CENPP: variants seen among roughly 807,000 people sequenced by gnomAD.
CENPP encodes the protein centromere protein P.
In CENPP, 24 loss-of-function variants were observed where a neutral mutation model predicts 35.6. The ratio of observed to expected loss-of-function variants is 0.67; its 90% confidence interval spans 0.49 to 0.95. The LOEUF (loss-of-function observed/expected upper bound fraction) is 0.95. CENPP is among the 40% of genes least tolerant of loss of function. The pLI, the probability that CENPP is intolerant of heterozygous loss-of-function variation, is 0.00. For missense variants in CENPP, 332 were observed against 345.3 expected, an observed-to-expected ratio of 0.96 and a Z score of 0.31; for synonymous variants, 120 against 125.5, an observed-to-expected ratio of 0.96 and a Z score of 0.29.
intron 5 of CENPP, chr9:92,386,335 G>C: frequency 7.6e-7 from 1 of 1,311,464 alleles, no homozygotes; most frequent in South Asian, 1.2e-5. Context: ...TTGAGGTTCT[G>C]TACATTCTTT....
intron 5 of CENPP, among the ~76,000 whole-genome samples, chr9:92,575,406 CAAG>C (rs143144283): frequency 0.021 from 3,125 of 152,236 alleles, 112 homozygotes; most frequent in African/African-American, 0.071. Flanking sequence ...GACATTTCTC[CAAG>C]AACATATACA....
intron 5 of CENPP, among the ~76,000 whole-genome samples, chr9:92,568,376 GT>G (rs1395293762): frequency 5.3e-5 from 8 of 152,096 alleles, no homozygotes; most frequent in African/African-American, 1.9e-4. Flanking sequence ...CAGAATGATG[GT>G]TTCCAGCTTC....
intron 4 of CENPP, among the ~76,000 whole-genome samples, chr9:92,357,685 A>G (rs747346052): frequency 6.6e-6 from 1 of 151,526 alleles, no homozygotes; most frequent in African/African-American, 2.4e-5. Context: ...TTTATTAGAG[A>G]TGGTGTTTCT....
chr9:92,414,198 C>G (rs373195619), intron 5 of CENPP: 1 of 176,972 alleles, frequency 5.7e-6, no homozygotes, highest in African/African-American at 2.4e-5. Flanking sequence ...TATAAAGGAA[C>G]TGTATTCAAT....
At chr9:92,500,305 C>T (rs923348949) in intron 5 of CENPP, among the ~76,000 whole-genome samples, 90 of 152,308 alleles carry the variant, frequency 5.9e-4, no homozygotes, top group African/African-American at 2.1e-3. Flanking sequence ...ACCTCAGCCT[C>T]CTGAGTAGCT....
intron 5 of CENPP, among the ~76,000 whole-genome samples, chr9:92,409,263 T>A (rs1440208062): frequency 6.6e-6 from 1 of 152,186 alleles, no homozygotes; most frequent in Non-Finnish European, 1.5e-5. Context: ...CCATTATGAT[T>A]TAATTTTGTT....
chr9:92,506,266 A>G (rs963283797), intron 5 of CENPP, among the ~76,000 whole-genome samples: 3 of 152,250 alleles, frequency 2.0e-5, no homozygotes, highest in Non-Finnish European at 4.4e-5. Context: ...GTGAATTCCC[A>G]TCATAGTTAC....
chr9:92,557,146 G>A (rs2131336613), intron 5 of CENPP, among the ~76,000 whole-genome samples: 1 of 152,192 alleles, frequency 6.6e-6, no homozygotes, highest in South Asian at 2.1e-4. Flanking sequence ...GAGGAGTAGG[G>A]TCCCAATCCC....
intron 5 of CENPP, among the ~76,000 whole-genome samples, chr9:92,580,685 TTC>T (rs1342680647): frequency 6.6e-6 from 1 of 152,254 alleles, no homozygotes; most frequent in Non-Finnish European, 1.5e-5. Flanking sequence ...TATTTGATTC[TTC>T]TCTCTTTTTT....
intron 5 of CENPP, chr9:92,502,653 C>T: frequency 6.4e-7 from 1 of 1,560,924 alleles, no homozygotes; most frequent in Non-Finnish European, 8.8e-7. Flanking sequence ...GGTATAATTC[C>T]TATAATTAAG....
chr9:92,371,050 G>A (rs746913201), intron 4 of CENPP, among the ~76,000 whole-genome samples: 1 of 151,926 alleles, frequency 6.6e-6, no homozygotes, highest in African/African-American at 2.4e-5. Flanking sequence ...AATAACCAAC[G>A]TTTTGTTTTG....
intron 5 of CENPP, chr9:92,460,612 C>A: frequency 8.5e-7 from 1 of 1,170,766 alleles, no homozygotes; most frequent in Non-Finnish European, 1.3e-6. Context: ...TATCACTAAG[C>A]CCAATTGACT....
intron 5 of CENPP, among the ~76,000 whole-genome samples, chr9:92,430,109 C>T (rs1479726711): frequency 6.6e-6 from 1 of 152,128 alleles, no homozygotes; most frequent in Non-Finnish European, 1.5e-5. Context: ...TACCATTTAT[C>T]AGGTTTTAAT....
chr9:92,402,709 A>T (rs930747674), intron 5 of CENPP, among the ~76,000 whole-genome samples: 6 of 152,204 alleles, frequency 3.9e-5, no homozygotes, highest in Admixed American at 3.9e-4. Context: ...AGAAAGTCCT[A>T]TATTGACTAG....
At chr9:92,462,085 C>T (rs1845137335) in intron 5 of CENPP, among the ~76,000 whole-genome samples, 1 of 152,092 alleles carries the variant, frequency 6.6e-6, no homozygotes. Context: ...TCAACTGATT[C>T]TCTTGCCTCA....
At chr9:92,325,850 T>G, upstream of CENPP, 1 of 599,658 alleles carries the variant, frequency 1.7e-6, no homozygotes, top group East Asian at 3.1e-5. Flanking sequence ...GCAGGGCCGC[T>G]GGGGTCACGC....
At chr9:92,456,167 C>T (rs1196280850) in intron 5 of CENPP, 1 of 152,152 alleles carries the variant, frequency 6.6e-6, no homozygotes, top group Non-Finnish European at 1.5e-5. Flanking sequence ...GTTTATATTG[C>T]TGGGTGGGTG....
chr9:92,466,366 T>C (rs921706454), intron 5 of CENPP: 10 of 1,596,578 alleles, frequency 6.3e-6, no homozygotes, highest in Admixed American at 1.7e-5. Context: ...ACCCAAAACG[T>C]GTAAAGCATT....
At chr9:92,416,863 A>AGGC (rs1843629714) in intron 5 of CENPP, 3 of 1,613,872 alleles carry the variant, frequency 1.9e-6, no homozygotes, top group Non-Finnish European at 2.5e-6. Context: ...TAAGTGAAGA[A>AGGC]GGCAAACCAG....
Sources: allele counts gnomAD v4.1 joint callset (sites outside exome capture counted in the v4.1 genomes callset), GRCh38; gene constraint gnomAD v4.1.1; transcripts MANE v1.5; gene names NCBI Gene and HGNC (gene_info 2026-07-23, HGNC 2026-07-21).